SLC24A3: variants seen among roughly 807,000 people sequenced by gnomAD.
SLC24A3 encodes solute carrier family 24 member 3.
In SLC24A3, 28 loss-of-function variants were observed where a neutral mutation model predicts 75.8. The ratio of observed to expected loss-of-function variants is 0.37; its 90% CI spans 0.27 to 0.51. The LOEUF is 0.51. Ranked by LOEUF, SLC24A3 falls within the 20% of genes least tolerant of loss-of-function variation. SLC24A3 has a pLI of 0.94. For missense variants in SLC24A3, 663 were observed against 847.8 expected, an observed-to-expected ratio of 0.78 and a Z score of 2.71; for synonymous variants, 372 against 334.1, an observed-to-expected ratio of 1.11 and a Z score of -1.24.
intron 1 of SLC24A3, among the ~76,000 whole-genome samples, chr20:19,254,232 CCA>C (rs1228081868): frequency 1.9e-5 from 2 of 105,132 alleles, no homozygotes; most frequent in Non-Finnish European, 3.6e-5. Context: ...ACTCCCGACC[CCA>C]GAGTCTGGCT....
intron 1 of SLC24A3, among the ~76,000 whole-genome samples, chr20:19,263,400 A>G (rs1203007031): frequency 6.6e-6 from 1 of 152,242 alleles, no homozygotes. Flanking sequence ...GTCTGCACTT[A>G]GATACCAGTG....
intron 2 of SLC24A3, among the ~76,000 whole-genome samples, chr20:19,513,160 T>A (rs2029916189): frequency 6.6e-6 from 1 of 151,780 alleles, no homozygotes; most frequent in South Asian, 2.1e-4. Flanking sequence ...CAGCTGAATG[T>A]AAATCAGGTC....
Position 19,685,289 on chromosome 20 carries a change from A to G in SLC24A3, c.1252A>G (p.Asn418Asp). 6.2e-7 allele frequency: 1 copy of G among 1,614,060 alleles called. No homozygotes were observed. Among genetic ancestry groups the G allele is most frequent in the Non-Finnish European group, 8.5e-7 (1 of 1,180,004 alleles). The change falls in exon 12 of 17, where the codon AAT becomes GAT. Residue 418 changes from asparagine to aspartate, a missense_variant. Around this residue, in one of 2 missense-constraint regions of SLC24A3, gnomAD observed 510 missense variants for 703.6 expected, o/e 0.72. Transcript: ENST00000328041. ...CGAAACAGAGAATGAAAATGAGGAC[A>G]ATGAGAATGATGAGGAGGAAGAGGA... ...GNETENENED[N>D]ENDEEEEEDE...
chr20:19,281,370 A>C lies in SLC24A3; in HGVS notation c.271+283A>C, dbSNP rs538983734. On this transcript the variant is annotated intron_variant, in intron 2 of 16. Transcript: ENST00000328041. Reference sequence around the variant, plus strand: ...TGGAGGCTGGTGCTGCCAAGTGAGAAACCAAGGCAGGAGCAGGATGGGTGA... The same window carrying C: ...TGGAGGCTGGTGCTGCCAAGTGAGACACCAAGGCAGGAGCAGGATGGGTGA... Among the ~76,000 whole-genome samples, 42 of 152,232 alleles carry C rather than the reference A, an allele frequency of 2.8e-4. 1 individual carries two copies. The highest frequency in any genetic ancestry group is 1.0e-3 in the African/African-American group (42 of 41,540).
At chr20:19,637,441 A>G (rs1315148482) in intron 6 of SLC24A3, among the ~76,000 whole-genome samples, 1 of 152,266 alleles carries the variant, frequency 6.6e-6, no homozygotes, top group Non-Finnish European at 1.5e-5. Context: ...TTTTTTAAAG[A>G]TGATGTTTCA....
chr20:19,436,258 G>A (rs1987200356), intron 2 of SLC24A3, among the ~76,000 whole-genome samples: 2 of 152,072 alleles, frequency 1.3e-5, no homozygotes, highest in South Asian at 4.2e-4. Flanking sequence ...CTTTTTCAAC[G>A]GTTGGGAATA....
intron 2 of SLC24A3, among the ~76,000 whole-genome samples, chr20:19,390,838 G>A (rs1052312184): frequency 6.6e-6 from 1 of 152,230 alleles, no homozygotes; most frequent in South Asian, 2.1e-4. Context: ...TGGAGACTGG[G>A]TCTGCAGGTG....
chr20:19,323,378 A>T (rs1984760710), intron 2 of SLC24A3, among the ~76,000 whole-genome samples: 1 of 152,158 alleles, frequency 6.6e-6, no homozygotes, highest in African/African-American at 2.4e-5. Context: ...AAGCTTTTGG[A>T]TGACCCAGCC....
At chr20:19,479,075 C>T (rs147767537) in intron 2 of SLC24A3, among the ~76,000 whole-genome samples, 102 of 152,324 alleles carry the variant, frequency 6.7e-4, no homozygotes, top group African/African-American at 2.2e-3. Context: ...GGCATTCTCC[C>T]AGGCTTCTAA....
chr20:19,639,843 C>A (rs1239247344), intron 6 of SLC24A3, among the ~76,000 whole-genome samples: 2 of 152,248 alleles, frequency 1.3e-5, no homozygotes, highest in African/African-American at 4.8e-5. Context: ...TGCTGGGGGA[C>A]CCATTACACC....
At chr20:19,395,977 G>A (rs1292227301) in intron 2 of SLC24A3, among the ~76,000 whole-genome samples, 9 of 152,110 alleles carry the variant, frequency 5.9e-5, no homozygotes, top group Non-Finnish European at 8.8e-5. Context: ...GAGATGGTTG[G>A]TTTGATTGAT....
intron 2 of SLC24A3, among the ~76,000 whole-genome samples, chr20:19,401,199 G>A (rs1389448822): frequency 6.6e-6 from 1 of 152,222 alleles, no homozygotes; most frequent in Non-Finnish European, 1.5e-5. Flanking sequence ...ATGAATGCTA[G>A]GCAAACCTCT....
At position 19,696,538 on chromosome 20, in the gene SLC24A3, C is replaced by A. The variant is rs915482558; in HGVS notation, c.1492-259C>A. ...CTATTTTCTCTTCTCAAACCACCCG[C>A]CTCACCGGAAGAGAACAAGTGAAAA... On this transcript the variant is annotated intron_variant, in intron 13 of 16. Transcript: ENST00000328041. 1.0e-5 allele frequency: 4 copies of A among 392,378 alleles called. 1 individual carries two copies. Among genetic ancestry groups the A allele is most frequent in the Non-Finnish European group, 1.8e-5 (4 of 218,888 alleles). 24.3% of individuals were successfully genotyped at this position (392,378 alleles called of 1,614,324 possible).
intron 6 of SLC24A3, among the ~76,000 whole-genome samples, chr20:19,652,508 C>G (rs1447830524): frequency 3.3e-5 from 5 of 152,068 alleles, no homozygotes; most frequent in African/African-American, 1.2e-4. Flanking sequence ...GTAAAGAATA[C>G]TTTATATTTA....
chr20:19,245,478 AT>A (rs147720986), intron 1 of SLC24A3, among the ~76,000 whole-genome samples: 1,842 of 152,266 alleles, frequency 0.012, 30 homozygotes, highest in African/African-American at 0.042. Context: ...AAGTCCCTGT[AT>A]TTTTGAAGAA....
chr20:19,444,864 C>T (rs6112384), intron 2 of SLC24A3, among the ~76,000 whole-genome samples: 48,177 of 147,760 alleles, frequency 0.33, 8,830 homozygotes, highest in East Asian at 0.46. Flanking sequence ...TGGATCTAAT[C>T]GGCTTTTTGT....
chr20:19,613,054 G>A (rs1487506945), intron 6 of SLC24A3, among the ~76,000 whole-genome samples: 1 of 152,046 alleles, frequency 6.6e-6, no homozygotes, highest in Non-Finnish European at 1.5e-5. Context: ...TCTTCCTCAT[G>A]ACTTTCCAAA....
intron 2 of SLC24A3, among the ~76,000 whole-genome samples, chr20:19,481,645 A>G (rs1988055839): frequency 6.6e-6 from 1 of 152,088 alleles, no homozygotes; most frequent in African/African-American, 2.4e-5. Context: ...ATTTGGGATG[A>G]GCAGAGTTTG....
chr20:19,325,095 G>A (rs6136679), intron 2 of SLC24A3, among the ~76,000 whole-genome samples: 1 of 150,478 alleles, frequency 6.6e-6, no homozygotes. Flanking sequence ...AAATACCTTA[G>A]GTAGCTTTTC....
Sources: gnomAD v4.1 joint callset for allele counts (sites outside exome capture counted in the v4.1 genomes callset) on GRCh38, gnomAD v4.1.1 for gene constraint, gnomAD v4.1.1 regional missense constraint, MANE v1.5 for transcripts, NCBI Gene and HGNC (gene_info 2026-07-23, HGNC 2026-07-21) for gene names.